The following LIMA1 variants were observed in gnomAD, a reference collection of about 807,000 sequenced individuals.
LIMA1 encodes LIM domain and actin binding 1.
In LIMA1, 52 loss-of-function variants were observed where a neutral mutation model predicts 62.6. The ratio of observed to expected loss-of-function variants is 0.83; its 90% CI spans 0.67 to 1.05. The LOEUF (loss-of-function observed/expected upper bound fraction) is 1.05. Among genes scored for constraint, LIMA1 ranks in the 50% least tolerant of loss-of-function variants. The pLI is 0.00. For synonymous variants in LIMA1, 302 were observed against 317.8 expected (o/e 0.95, Z 0.53); for missense variants, 780 against 902.2 (o/e 0.86, Z 1.74).
At chr12:50,179,401 A>G (rs1252326406) in intron 10 of LIMA1, among the ~76,000 whole-genome samples, 1 of 150,116 alleles carries the variant, frequency 6.7e-6, no homozygotes, top group Admixed American at 6.6e-5. Context: ...CGGCCTCCCA[A>G]AGGGCTGGGA....
intron 1 of LIMA1, among the ~76,000 whole-genome samples, chr12:50,252,865 ACAT>A (rs1474962651): frequency 6.6e-6 from 1 of 152,230 alleles, no homozygotes; most frequent in Admixed American, 6.5e-5. Context: ...AACATGACTA[ACAT>A]CATATTTTAA....
intron 4 of LIMA1, among the ~76,000 whole-genome samples, chr12:50,208,996 T>C (rs1329316932): frequency 4.0e-5 from 6 of 149,286 alleles, no homozygotes; most frequent in Admixed American, 2.0e-4. Context: ...TTCTTTCTTT[T>C]TTTTTTTTTT....
In LIMA1 at chr12:50,177,877, G is replaced by A. The variant is rs768635408; in HGVS notation, c.1467C>T (p.His489=). 4 of 1,613,200 alleles carry A rather than the reference G, an allele frequency of 2.5e-6. No individual in the cohort carries two copies. Among genetic ancestry groups the A allele is most frequent in the South Asian group, 1.1e-5 (1 of 90,916 alleles). ...AQLANARETP[H]SPGVEDAPIA... Reference sequence around the variant, plus strand: ...TAGGGGCATCTTCTACCCCTGGGCTGTGAGGGGTCTCCCTTGCATTTGCAA... The same window carrying A: ...TAGGGGCATCTTCTACCCCTGGGCTATGAGGGGTCTCCCTTGCATTTGCAA... The change falls in exon 11 of 11, where the codon CAC becomes CAT. Residue 489 remains histidine, a synonymous_variant. Transcript: ENST00000341247.
At chr12:50,201,049 A>G in intron 6 of LIMA1, 165 bp from the exon 7 acceptor site, 2 of 1,417,160 alleles carry the variant, frequency 1.4e-6, no homozygotes, top group Admixed American at 5.8e-5. Flanking sequence ...GACTAGTGAA[A>G]TGACAAAAGC....
chr12:50,232,973 C>T (rs538385853), intron 2 of LIMA1, among the ~76,000 whole-genome samples: 10 of 152,246 alleles, frequency 6.6e-5, no homozygotes, highest in African/African-American at 1.7e-4. Context: ...GGTGACGGAG[C>T]GAGATTCAAA....
At chr12:50,273,328 G>A (rs183582092) in intron 1 of LIMA1, among the ~76,000 whole-genome samples, 83 of 152,128 alleles carry the variant, frequency 5.5e-4, no homozygotes, top group Middle Eastern at 3.4e-3. Context: ...CATTTAATTC[G>A]GGACTGTAGA....
chr12:50,251,063 A>G (rs1459769984), intron 1 of LIMA1, among the ~76,000 whole-genome samples: 1 of 152,226 alleles, frequency 6.6e-6, no homozygotes, highest in African/African-American at 2.4e-5. Context: ...TCTATCTGGT[A>G]TTAAACTGGC....
intron 4 of LIMA1, among the ~76,000 whole-genome samples, chr12:50,208,485 C>CA (rs939166545): frequency 8.6e-5 from 13 of 150,908 alleles, no homozygotes; most frequent in Admixed American, 5.3e-4. Context: ...GACTCCGTCT[C>CA]AAAAAAAACC....
intron 3 of LIMA1, among the ~76,000 whole-genome samples, chr12:50,228,567 G>C (rs2138578250): frequency 6.6e-6 from 1 of 152,262 alleles, no homozygotes; most frequent in East Asian, 1.9e-4. Context: ...GCTAAGTCAT[G>C]AGACCACTTC....
chr12:50,255,568 G>GAAAAAAAAAA (rs1941984516), intron 1 of LIMA1, among the ~76,000 whole-genome samples: 1 of 117,402 alleles, frequency 8.5e-6, no homozygotes, highest in Admixed American at 8.3e-5. Flanking sequence ...AAAAAGAAAA[G>GAAAAAAAAAA]AAAAGAAAAA....
chr12:50,275,009 C>T (rs1161621846), intron 1 of LIMA1, among the ~76,000 whole-genome samples: 1 of 152,042 alleles, frequency 6.6e-6, no homozygotes, highest in Non-Finnish European at 1.5e-5. Flanking sequence ...GATACAAAGC[C>T]AAACATTATT....
At chr12:50,248,220 G>A (rs1397381693) in intron 2 of LIMA1, among the ~76,000 whole-genome samples, 3 of 152,128 alleles carry the variant, frequency 2.0e-5, no homozygotes, top group East Asian at 1.9e-4. Context: ...AGTGCTTAAC[G>A]CACCATTCAA....
At chr12:50,280,143 T>C (rs920970365) in intron 1 of LIMA1, among the ~76,000 whole-genome samples, 1 of 123,658 alleles carries the variant, frequency 8.1e-6, no homozygotes, top group African/African-American at 3.2e-5. Context: ...AGGGTAGTAG[T>C]ATTTTTTTTT....
rs1369374079 is a variant in LIMA1 at position 50,210,422 on chromosome 12, AAAAAAAAAAAAAAG to A, written c.631-4368_631-4355del. 1.2e-4 allele frequency among the ~76,000 whole-genome samples: 18 copies of A among 148,756 alleles called. No homozygotes were observed. In the East Asian group the frequency reaches 3.5e-3, roughly 29 times the overall value. ...AACAGAGCAAGACCCCATTTCCAAA[AAAAAAAAAAAAAAG>A]AAAAAAAGAAAAGAACAACCAAAAG... is the stretch of plus-strand genomic sequence containing the variant. On this transcript the variant is annotated intron_variant, in intron 4 of 10. Transcript: ENST00000341247.
At chr12:50,181,147 A>G (rs532779674) in intron 10 of LIMA1, among the ~76,000 whole-genome samples, 119 of 151,788 alleles carry the variant, frequency 7.8e-4, no homozygotes, top group African/African-American at 2.8e-3. Context: ...GCTTTGGAGA[A>G]AAAAATTAAC....
At chr12:50,238,835 G>A (rs1941733055) in intron 2 of LIMA1, among the ~76,000 whole-genome samples, 1 of 150,968 alleles carries the variant, frequency 6.6e-6, no homozygotes, top group Non-Finnish European at 1.5e-5. Flanking sequence ...GGGCGACAGA[G>A]CGAGGCTCTG....
chr12:50,235,180 T>C (rs1413337694), intron 2 of LIMA1, among the ~76,000 whole-genome samples: 1 of 151,790 alleles, frequency 6.6e-6, no homozygotes, highest in Non-Finnish European at 1.5e-5. Context: ...GTGATCCTCC[T>C]GTCTCAGCCT....
At chr12:50,235,585 AT>A (rs1229932371) in intron 2 of LIMA1, among the ~76,000 whole-genome samples, 10 of 151,982 alleles carry the variant, frequency 6.6e-5, no homozygotes, top group African/African-American at 2.4e-4. Context: ...TCACTGTCTA[AT>A]TTTAATAATC....
At chr12:50,217,839 C>G (rs1464797001) in intron 4 of LIMA1, 5 of 220,518 alleles carry the variant, frequency 2.3e-5, no homozygotes, top group Non-Finnish European at 3.7e-5. Context: ...AGGACGCTCA[C>G]TTCAGAAATA....
Sources: gnomAD v4.1 joint callset for allele counts (sites outside exome capture counted in the v4.1 genomes callset) on GRCh38, gnomAD v4.1.1 for gene constraint, MANE v1.5 for transcripts, NCBI Gene and HGNC (gene_info 2026-07-23, HGNC 2026-07-21) for gene names.